NCAM2: variants seen among roughly 807,000 people sequenced by gnomAD.
NCAM2 encodes the protein neural cell adhesion molecule 2, also known as N-CAM-2.
Under a neutral mutation model 98.1 loss-of-function variants are expected in NCAM2, and 30 were observed. The observed-to-expected ratio is 0.31, with a 90% CI of 0.23 to 0.41. The LOEUF (loss-of-function observed/expected upper bound fraction) is 0.41. NCAM2 is among the 10% of genes least tolerant of loss of function. NCAM2 has a pLI of 1.00. For synonymous variants in NCAM2, 368 were observed against 342.4 expected, an observed-to-expected ratio of 1.07 and a Z score of -0.83; for missense variants, 867 against 1,005.8, an observed-to-expected ratio of 0.86 and a Z score of 1.87.
At chr21:21,502,688 C>A (rs529777789) in intron 15 of NCAM2, among the ~76,000 whole-genome samples, 1 of 151,886 alleles carries the variant, frequency 6.6e-6, no homozygotes, top group Non-Finnish European at 1.5e-5. Context: ...AGATACCGTA[C>A]GTAGTAATAT....
At chr21:21,345,649 G>A (rs956035059) in intron 8 of NCAM2, among the ~76,000 whole-genome samples, 2 of 152,068 alleles carry the variant, frequency 1.3e-5, no homozygotes, top group African/African-American at 4.8e-5. Context: ...AAAATCAAGA[G>A]TTATTGTCCT....
intron 1 of NCAM2, among the ~76,000 whole-genome samples, chr21:21,226,333 T>C (rs2070382742): frequency 1.3e-5 from 2 of 151,908 alleles, no homozygotes; most frequent in African/African-American, 2.4e-5. Flanking sequence ...ATAAAATACT[T>C]TAGTTTTGGA....
At chr21:21,297,778 T>C (rs1469131200) in intron 5 of NCAM2, among the ~76,000 whole-genome samples, 2 of 151,836 alleles carry the variant, frequency 1.3e-5, no homozygotes, top group Non-Finnish European at 2.9e-5. Flanking sequence ...AAATAACTTT[T>C]AAACTTAAAA....
At chr21:21,311,636 C>A (rs191039169) in intron 5 of NCAM2, among the ~76,000 whole-genome samples, 1 of 152,094 alleles carries the variant, frequency 6.6e-6, no homozygotes, top group African/African-American at 2.4e-5. Flanking sequence ...CCACTGCGCC[C>A]GGCCCATGGT....
intron 1 of NCAM2, among the ~76,000 whole-genome samples, chr21:21,212,080 C>T (rs1044672233): frequency 6.6e-6 from 1 of 152,206 alleles, no homozygotes; most frequent in Non-Finnish European, 1.5e-5. Context: ...GAAATGATAG[C>T]ATGCATTCAC....
chr21:21,017,102 T>C (rs2064325274), intron 1 of NCAM2, among the ~76,000 whole-genome samples: 1 of 152,136 alleles, frequency 6.6e-6, no homozygotes, highest in Non-Finnish European at 1.5e-5. Flanking sequence ...AATATTCATA[T>C]TGTTTCTGGA....
At chr21:21,488,993 A>T (rs893871016) in intron 15 of NCAM2, among the ~76,000 whole-genome samples, 2 of 151,562 alleles carry the variant, frequency 1.3e-5, no homozygotes, top group Admixed American at 6.6e-5. Flanking sequence ...TTATTTATTT[A>T]TTTTTTTATT....
At chr21:21,501,237 G>A (rs143358305) in intron 15 of NCAM2, among the ~76,000 whole-genome samples, 256 of 152,072 alleles carry the variant, frequency 1.7e-3, no homozygotes, top group African/African-American at 6.0e-3. Context: ...AACAAGAAGC[G>A]TTGTATAAAT....
chr21:21,355,333 G>A (rs543628857), intron 8 of NCAM2, among the ~76,000 whole-genome samples: 18 of 151,390 alleles, frequency 1.2e-4, no homozygotes, highest in African/African-American at 3.1e-4. Flanking sequence ...TACTCGGGAC[G>A]GGGCCGGGAA....
intron 9 of NCAM2, among the ~76,000 whole-genome samples, chr21:21,394,469 CTTTTTTTTTTTTTTTTTTTTTT>C (rs532068473): frequency 5.2e-5 from 3 of 57,632 alleles, no homozygotes; most frequent in African/African-American, 8.0e-5. Flanking sequence ...AAGGGGCCAG[CTTTTTTTTTTTTTTTTTTTTTT>C]TTTTTTTTTT....
intron 8 of NCAM2, among the ~76,000 whole-genome samples, chr21:21,359,470 A>G (rs902948562): frequency 2.6e-5 from 4 of 151,986 alleles, no homozygotes; most frequent in African/African-American, 9.6e-5. Flanking sequence ...AAATAATTCT[A>G]GATAATATTT....
chr21:21,235,677 A>G (rs1421905227), intron 1 of NCAM2, among the ~76,000 whole-genome samples: 2 of 152,092 alleles, frequency 1.3e-5, no homozygotes, highest in East Asian at 1.9e-4. Context: ...TCTAACTGAA[A>G]TGCATAGAAG....
chr21:21,498,314 T>C (rs148844450), intron 15 of NCAM2, among the ~76,000 whole-genome samples: 37 of 152,284 alleles, frequency 2.4e-4, no homozygotes, highest in African/African-American at 8.4e-4. Flanking sequence ...ACTCATTTCA[T>C]AGAATTTATC....
intron 5 of NCAM2, among the ~76,000 whole-genome samples, chr21:21,309,043 A>G (rs2073965086): frequency 6.6e-6 from 1 of 152,156 alleles, no homozygotes; most frequent in African/African-American, 2.4e-5. Flanking sequence ...AATAAGTTAA[A>G]TTTCTGTGAA....
intron 15 of NCAM2, among the ~76,000 whole-genome samples, chr21:21,490,364 A>G (rs1346492427): frequency 2.0e-5 from 3 of 151,972 alleles, no homozygotes; most frequent in Non-Finnish European, 4.4e-5. Flanking sequence ...CTTTCATCCA[A>G]GTAGAATTAA....
chr21:21,264,881 G>GAT (rs1371914649), intron 1 of NCAM2, among the ~76,000 whole-genome samples: 1 of 72,218 alleles, frequency 1.4e-5, no homozygotes, highest in South Asian at 6.5e-4. Context: ...TTCATAGTGG[G>GAT]ATATATATAT....
At chr21:21,344,679 G>A (rs969548255) in intron 8 of NCAM2, among the ~76,000 whole-genome samples, 1 of 152,122 alleles carries the variant, frequency 6.6e-6, no homozygotes, top group Non-Finnish European at 1.5e-5. Flanking sequence ...AGCACCTCTG[G>A]ACCCACCTGG....
At chr21:21,422,577 T>G (rs1046112896) in intron 11 of NCAM2, among the ~76,000 whole-genome samples, 1 of 152,208 alleles carries the variant, frequency 6.6e-6, no homozygotes, top group Non-Finnish European at 1.5e-5. Flanking sequence ...GACGTAGTCT[T>G]CTTTTACCTA....
At chr21:21,508,571 G>A (rs906591642) in intron 15 of NCAM2, among the ~76,000 whole-genome samples, 5 of 151,476 alleles carry the variant, frequency 3.3e-5, no homozygotes, top group Non-Finnish European at 5.9e-5. Flanking sequence ...GAGGTACTTA[G>A]ACACTTTTTC....
Sources: allele counts gnomAD v4.1 joint callset (sites outside exome capture counted in the v4.1 genomes callset), GRCh38; gene constraint gnomAD v4.1.1; transcripts MANE v1.5; gene names NCBI Gene and HGNC (gene_info 2026-07-23, HGNC 2026-07-21).